LRRTM4: variants seen among roughly 807,000 people sequenced by gnomAD.
LRRTM4 encodes the protein leucine-rich repeat transmembrane neuronal protein 4.
Under a neutral mutation model 47.6 loss-of-function variants are expected in LRRTM4, and 25 were observed. The observed-to-expected ratio is 0.53, with a 90% CI of 0.38 to 0.73. The LOEUF (loss-of-function observed/expected upper bound fraction) is 0.73, where lower values mean the gene tolerates loss of function less well. Ranked by LOEUF, LRRTM4 falls within the 30% of genes least tolerant of loss-of-function variation. The pLI, the probability that LRRTM4 is intolerant of heterozygous loss-of-function variation, is 0.00. For synonymous variants in LRRTM4, 311 were observed against 269.5 expected (o/e 1.15, Z -1.51); for missense variants, 638 against 713.4 (o/e 0.89, Z 1.20).
chr2:77,149,857 C>T (rs777426281), intron 3 of LRRTM4, among the ~76,000 whole-genome samples: 1 of 152,132 alleles, frequency 6.6e-6, no homozygotes. Context: ...GCCTCACTCT[C>T]CCTCCTGCTC....
chr2:76,978,458 C>T (rs902822131), intron 3 of LRRTM4, among the ~76,000 whole-genome samples: 3 of 151,994 alleles, frequency 2.0e-5, no homozygotes, highest in African/African-American at 4.8e-5. Context: ...GTTCTCCTTG[C>T]ACATTTATTT....
At chr2:77,194,519 C>T (rs1426917831) in intron 3 of LRRTM4, among the ~76,000 whole-genome samples, 1 of 152,108 alleles carries the variant, frequency 6.6e-6, no homozygotes, top group African/African-American at 2.4e-5. Flanking sequence ...GAAGATGCTA[C>T]AATTCTCAAA....
At chr2:76,858,169 T>C (rs1323844063) in intron 3 of LRRTM4, among the ~76,000 whole-genome samples, 2 of 152,150 alleles carry the variant, frequency 1.3e-5, no homozygotes, top group South Asian at 2.1e-4. Context: ...GGTGTTTCTA[T>C]AGGGTGTTTT....
chr2:77,207,816 T>A (rs1042668125), intron 3 of LRRTM4, among the ~76,000 whole-genome samples: 3 of 151,252 alleles, frequency 2.0e-5, no homozygotes, highest in Non-Finnish European at 2.9e-5. Context: ...TTTTGTATAC[T>A]CTGTTCCATA....
intron 3 of LRRTM4, among the ~76,000 whole-genome samples, chr2:77,052,389 G>A (rs148713552): frequency 0.023 from 3,502 of 151,672 alleles, 151 homozygotes; most frequent in African/African-American, 0.08. Flanking sequence ...GGCTGGTCTC[G>A]ATCTCCTGAC....
intron 3 of LRRTM4, among the ~76,000 whole-genome samples, chr2:76,981,722 G>T (rs2103967578): frequency 6.6e-6 from 1 of 151,992 alleles, no homozygotes; most frequent in South Asian, 2.1e-4. Context: ...CAGACTCCTG[G>T]ACCCAAGTAA....
At chr2:76,793,609 T>TTTTGG (rs1675098070) in intron 3 of LRRTM4, among the ~76,000 whole-genome samples, 1 of 30,292 alleles carries the variant, frequency 3.3e-5, no homozygotes, top group Non-Finnish European at 5.5e-5. Flanking sequence ...TCTCGGTAAG[T>TTTTGG]TAAGTTTTGA....
chr2:76,807,445 C>CATATATATATACACATATATATATACAT (rs1670541084), intron 3 of LRRTM4, among the ~76,000 whole-genome samples: 3 of 69,308 alleles, frequency 4.3e-5, no homozygotes, highest in African/African-American at 2.7e-4. Context: ...TACGTATATA[C>CATATATATATACACATATATATATACAT]ATATATATAT....
At chr2:77,178,619 A>C (rs1408420283) in intron 3 of LRRTM4, among the ~76,000 whole-genome samples, 2 of 151,868 alleles carry the variant, frequency 1.3e-5, no homozygotes, top group South Asian at 4.2e-4. Context: ...ACAACAACAA[A>C]TAATACTTTT....
intron 3 of LRRTM4, among the ~76,000 whole-genome samples, chr2:77,515,697 C>T (rs1679180136): frequency 6.6e-6 from 1 of 151,594 alleles, no homozygotes; most frequent in Non-Finnish European, 1.5e-5. Flanking sequence ...AAAACAATGC[C>T]AAGCTAAAAC....
At position 76,826,940 on chromosome 2, in the gene LRRTM4, C is replaced by T. The variant is rs185959323; in HGVS notation, c.1552-78024G>A. 1.1e-3 allele frequency among the ~76,000 whole-genome samples: 167 copies of T among 152,018 alleles called. 1 individual carries two copies. Among genetic ancestry groups the T allele is most frequent in the Non-Finnish European group, 1.3e-3 (86 of 67,890 alleles). ...GGCTTCCAGCCATCTCAGACAGGCA[C>T]ATTAAGCTTTGATTCAGACAGTTCT... On this transcript the variant is annotated intron_variant, in intron 3 of 3. Transcript: ENST00000409884.
intron 3 of LRRTM4, among the ~76,000 whole-genome samples, chr2:77,101,114 C>T (rs1039893099): frequency 6.6e-6 from 1 of 151,998 alleles, no homozygotes; most frequent in Non-Finnish European, 1.5e-5. Context: ...GGACGTAGTA[C>T]TGACTTTTTT....
chr2:77,276,105 T>G (rs1455169721), intron 3 of LRRTM4, among the ~76,000 whole-genome samples: 1 of 152,048 alleles, frequency 6.6e-6, no homozygotes, highest in African/African-American at 2.4e-5. Flanking sequence ...CAATCTATCT[T>G]CAACTTTTGC....
chr2:77,475,628 A>G (rs1218963997), intron 3 of LRRTM4, among the ~76,000 whole-genome samples: 2 of 151,944 alleles, frequency 1.3e-5, no homozygotes, highest in Admixed American at 6.6e-5. Context: ...TACATATTTT[A>G]AAGTGTTTTA....
At chr2:77,336,362 A>G (rs1406374526) in intron 3 of LRRTM4, among the ~76,000 whole-genome samples, 4 of 152,132 alleles carry the variant, frequency 2.6e-5, no homozygotes, top group Non-Finnish European at 5.9e-5. Context: ...ACATCCTATG[A>G]GAGGCTTGCA....
chr2:76,972,224 G>A (rs1676243664), intron 3 of LRRTM4, among the ~76,000 whole-genome samples: 2 of 151,922 alleles, frequency 1.3e-5, no homozygotes, highest in Admixed American at 1.3e-4. Context: ...AGGTGAGAGA[G>A]GACTGAGGAG....
chr2:77,358,699 A>AT (rs1672063809), intron 3 of LRRTM4, among the ~76,000 whole-genome samples: 1 of 152,224 alleles, frequency 6.6e-6, no homozygotes, highest in Admixed American at 6.5e-5. Flanking sequence ...CTGATATATC[A>AT]TCCCAACAAC....
rs777298144 is a variant in LRRTM4, at chr2:77,502,261, G to GA, written c.1551+16056dup. Among the ~76,000 whole-genome samples, 11 of 151,210 alleles carry GA rather than the reference G, an allele frequency of 7.3e-5. No individual in the cohort carries two copies. In the East Asian group the frequency reaches 1.7e-3, roughly 24 times the overall value. On this transcript the variant is annotated intron_variant, in intron 3 of 3. Coordinates refer to ENST00000409884, the MANE Select transcript of LRRTM4 (RefSeq NM_001134745.3). ...TAAAAATGCATACACAATTGTTTTA[G>GA]AAAAAAGATAATAAAAGTTATATAA... is the stretch of plus-strand genomic sequence containing the variant.
chr2:77,100,377 C>G (rs1166644065), intron 3 of LRRTM4, among the ~76,000 whole-genome samples: 2 of 152,202 alleles, frequency 1.3e-5, no homozygotes, highest in African/African-American at 4.8e-5. Context: ...AATAGCATCA[C>G]TGATGAAGTG....
Sources: gnomAD v4.1 joint callset for allele counts (sites outside exome capture counted in the v4.1 genomes callset) on GRCh38, gnomAD v4.1.1 for gene constraint, MANE v1.5 for transcripts, NCBI Gene and HGNC (gene_info 2026-07-23, HGNC 2026-07-21) for gene names.